Variants in NOTCH2 observed in about 807,000 individuals in gnomAD.
NOTCH2 encodes neurogenic locus notch homolog protein 2.
NOTCH2 carries 29 observed loss-of-function variants against 235.8 expected under a neutral mutation model. The observed-to-expected ratio is 0.12, with a 90% CI of 0.09 to 0.17. The LOEUF (loss-of-function observed/expected upper bound fraction) is 0.17, where lower values mean the gene tolerates loss of function less well. NOTCH2 is among the 10% of genes least tolerant of loss of function. The probability of loss-of-function intolerance (pLI) is 1.00; values close to 1 mark genes in which losing one functional copy is unlikely to be tolerated. For missense variants in NOTCH2, 2,285 were observed against 3,150.2 expected (o/e 0.73, Z 6.57); for synonymous variants, 1,086 against 1,141.5 (o/e 0.95, Z 0.98).
rs1342032771 is a variant in NOTCH2, at chr1:119,916,240, A to G, written c.6482T>C (p.Val2161Ala). 1 of 1,614,118 alleles carries G rather than the reference A, an allele frequency of 6.2e-7. No individual in the cohort carries two copies. Among genetic ancestry groups the G allele is most frequent in the African/African-American group, 1.3e-5 (1 of 74,928 alleles). ...VDSLESPHTY[V>A]SDTTSSPMIT... is the part of the protein sequence containing the mutation. ...CATTGGAGAGGATGTGGTGTCGGAAACATACGTGTGAGGAGATTCTAGGGA... is the reference window on the plus strand; with the variant it reads ...CATTGGAGAGGATGTGGTGTCGGAAGCATACGTGTGAGGAGATTCTAGGGA... Residue 2161 changes from valine to alanine, a missense_variant, in exon 34 of 34, where the codon GTT (valine) becomes GCT (alanine). Coordinates refer to ENST00000256646, the MANE Select transcript of NOTCH2 (RefSeq NM_024408.4).
At chr1:120,063,297 C>A (rs1306431890) in intron 1 of NOTCH2, among the ~76,000 whole-genome samples, 2 of 152,150 alleles carry the variant, frequency 1.3e-5, no homozygotes, top group African/African-American at 4.8e-5. Flanking sequence ...TCTCTCCACA[C>A]TAACACATCT....
At chr1:119,924,851 T>C (rs587663976) in intron 25 of NOTCH2, among the ~76,000 whole-genome samples, 7 of 152,334 alleles carry the variant, frequency 4.6e-5, no homozygotes, top group East Asian at 3.9e-4. Flanking sequence ...AAGTAAACCA[T>C]AGAGCATCCT....
At chr1:119,923,362 T>C (rs748525254) in intron 26 of NOTCH2, among the ~76,000 whole-genome samples, 1 of 152,208 alleles carries the variant, frequency 6.6e-6, no homozygotes, top group Non-Finnish European at 1.5e-5. Flanking sequence ...ATAAAGGGAT[T>C]TGAGGCAACT....
intron 6 of NOTCH2, 37 bp from the exon 7 acceptor site, chr1:119,968,269 A>G (rs1553199967): frequency 6.2e-7 from 1 of 1,606,858 alleles, no homozygotes; most frequent in Non-Finnish European, 8.5e-7. Context: ...CTAAGAGAAA[A>G]TGTCTCTCAC....
rs587636128 is a variant in NOTCH2 at position 120,014,322 on chromosome 1, T to C, written c.156-8734A>G. On this transcript the variant is annotated intron_variant, in intron 2 of 33. Coordinates refer to ENST00000256646, the MANE Select transcript of NOTCH2 (RefSeq NM_024408.4). Reference sequence around the variant, plus strand: ...GCTCACACCTGTAATCCCAGCACTGTGGGAGGCCAAGGCAAGCAGATTGCT... The same window carrying C: ...GCTCACACCTGTAATCCCAGCACTGCGGGAGGCCAAGGCAAGCAGATTGCT... Among the ~76,000 whole-genome samples the C allele has an allele frequency of 2.0e-5, 3 of 152,210 alleles. No homozygotes were observed. The South Asian group carries it at 6.2e-4, about 32-fold the overall frequency.
intron 4 of NOTCH2, among the ~76,000 whole-genome samples, chr1:119,987,361 G>A (rs1312079519): frequency 2.6e-5 from 4 of 152,168 alleles, no homozygotes; most frequent in Non-Finnish European, 4.4e-5. Flanking sequence ...TCCCAGGGAT[G>A]ATAAATGTCT....
intron 21 of NOTCH2, among the ~76,000 whole-genome samples, chr1:119,936,536 G>A (rs1173809321): frequency 3.3e-5 from 5 of 152,164 alleles, no homozygotes; most frequent in African/African-American, 1.2e-4. Context: ...CAAAATTTGG[G>A]TTTGGCACTG....
chr1:119,952,885 G>A (rs1393702613), intron 14 of NOTCH2, among the ~76,000 whole-genome samples: 1 of 152,198 alleles, frequency 6.6e-6, no homozygotes, highest in African/African-American at 2.4e-5. Context: ...CTTAATTATA[G>A]TAAGCATAAT....
Position 120,005,419 on chromosome 1 carries a change from A to G in NOTCH2, c.325T>C (p.Cys109Arg). The G allele has an allele frequency of 6.2e-7, 1 of 1,614,034 alleles. No individual in the cohort carries two copies. The highest frequency in any genetic ancestry group is 1.1e-5 in the South Asian group (1 of 91,078). ...TTCAGGCAGGGTCGAGACACAAAGC[A>G]TGGATGAGATGTTGAGTACTGGCAG... ...EDCQYSTSHP[C>R]FVSRPCLNGG... is the part of the protein sequence containing the mutation. Residue 109 changes from cysteine to arginine, a missense_variant, in exon 3 of 34, where the codon TGC (cysteine) becomes CGC (arginine). Physicochemically the swap from Cys to Arg is radical, Grantham distance 180. Around this residue, in one of 6 missense-constraint regions of NOTCH2, gnomAD observed 431 missense variants for 757.8 expected, o/e 0.57. Coordinates refer to ENST00000256646, the MANE Select transcript of NOTCH2 (RefSeq NM_024408.4).
chr1:119,935,622 A>G lies in NOTCH2; in HGVS notation c.3523-18T>C, dbSNP rs1649821666. ...GGGACACACTGCCATGAGGAAACAAAAAGGACAAGAAATATTGGACCATTA... is the reference window on the plus strand; with the variant it reads ...GGGACACACTGCCATGAGGAAACAAGAAGGACAAGAAATATTGGACCATTA... On this transcript the variant is annotated intron_variant, in intron 21 of 33. Transcript: ENST00000256646. The G allele has an allele frequency of 6.2e-7, 1 of 1,613,760 alleles. No individual in the cohort carries two copies. The highest frequency in any genetic ancestry group is 1.7e-5 in the Admixed American group (1 of 60,026).
At chr1:119,967,744 T>C in intron 7 of NOTCH2, 123 bp from the exon 8 acceptor site, 1 of 857,964 alleles carries the variant, frequency 1.2e-6, no homozygotes, top group Non-Finnish European at 1.9e-6. Flanking sequence ...CATTCCCAAT[T>C]TTCTATTTTT....
intron 21 of NOTCH2, 89 bp downstream of exon 21, chr1:119,937,192 AT>A (rs756402083): frequency 7.1e-6 from 9 of 1,265,598 alleles, no homozygotes; most frequent in Non-Finnish European, 1.0e-5. Context: ...TCAATATAAG[AT>A]ACAAGCAGCT....
chr1:120,069,201 C>A, intron 1 of NOTCH2, 133 bp downstream of exon 1: 1 of 1,527,948 alleles, frequency 6.5e-7, no homozygotes, highest in South Asian at 1.2e-5. Flanking sequence ...TCTTGGGAAC[C>A]CAGCGAGTGG....
At position 119,916,355 on chromosome 1, in the gene NOTCH2, C is replaced by T. The variant is rs199601977; in HGVS notation, c.6367G>A (p.Ala2123Thr). The T allele has an allele frequency of 3.1e-6, 5 of 1,614,198 alleles. No individual in the cohort carries two copies. In the East Asian group the frequency reaches 1.1e-4, roughly 36 times the overall value. The change falls in exon 34 of 34, where the codon GCA becomes ACA. Residue 2123 changes from alanine to threonine, a missense_variant. By Grantham distance (58) the Ala-to-Thr change is moderately conservative (BLOSUM62 0). Coordinates refer to ENST00000256646, the MANE Select transcript of NOTCH2 (RefSeq NM_024408.4). ...CTCCTACTACCCTTGGCATCCTTTG[C>T]CTCCTTGGCAAGGTTAGGGAGGCTA... ...PTSLPNLAKE[A>T]KDAKGSRRKK... is the part of the protein sequence containing the mutation.
chr1:120,014,206 T>C (rs1395622057), intron 2 of NOTCH2, among the ~76,000 whole-genome samples: 1 of 152,076 alleles, frequency 6.6e-6, no homozygotes, highest in Non-Finnish European at 1.5e-5. Flanking sequence ...CATTTTTCCA[T>C]TTTAAACTCC....
intron 5 of NOTCH2, among the ~76,000 whole-genome samples, chr1:119,973,676 T>C (rs1651456656): frequency 6.6e-6 from 1 of 151,948 alleles, no homozygotes; most frequent in South Asian, 2.1e-4. Flanking sequence ...GGAACACTCG[T>C]ATTAGAAAGG....
At chr1:119,949,980 GATA>G (rs1212676768) in intron 15 of NOTCH2, 1 of 158,642 alleles carries the variant, frequency 6.3e-6, no homozygotes, top group Non-Finnish European at 1.4e-5. Flanking sequence ...ACAAGAAGGC[GATA>G]ATAAGCCAGT....
At chr1:119,956,853 T>C (rs1373498401) in intron 12 of NOTCH2, among the ~76,000 whole-genome samples, 1 of 152,214 alleles carries the variant, frequency 6.6e-6, no homozygotes, top group Non-Finnish European at 1.5e-5. Flanking sequence ...GTCCACTATG[T>C]TGATTGACAG....
chr1:120,031,171 G>C (rs1271349902), intron 1 of NOTCH2, among the ~76,000 whole-genome samples: 1 of 146,148 alleles, frequency 6.8e-6, no homozygotes, highest in Non-Finnish European at 1.5e-5. Flanking sequence ...GCCATCCCTG[G>C]CCACGAAACC....
Sources: gnomAD v4.1 joint callset for allele counts (sites outside exome capture counted in the v4.1 genomes callset) on GRCh38, gnomAD v4.1.1 for gene constraint, gnomAD v4.1.1 regional missense constraint, MANE v1.5 for transcripts, NCBI Gene and HGNC (gene_info 2026-07-23, HGNC 2026-07-21) for gene names.